Variants in LPAR3 observed in about 807,000 individuals in gnomAD.
LPAR3 encodes LPA receptor 3.
In LPAR3, 7 loss-of-function variants were observed where a neutral mutation model predicts 17.8. The ratio of observed to expected loss-of-function variants is 0.39; its 90% CI spans 0.22 to 0.74. The LOEUF (loss-of-function observed/expected upper bound fraction) is 0.74. Ranked by LOEUF, LPAR3 falls within the 30% of genes least tolerant of loss-of-function variation. The probability of loss-of-function intolerance (pLI) is 0.40; values close to 1 mark genes in which losing one functional copy is unlikely to be tolerated. For synonymous variants in LPAR3, 179 were observed against 179.9 expected (o/e 0.99, Z 0.04); for missense variants, 391 against 453.4 (o/e 0.86, Z 1.25).
Position 84,865,936 on chromosome 1 carries a change from T to C in LPAR3, c.185A>G (p.His62Arg), listed in dbSNP as rs898772850. ...IAAVIKNRKF[H>R]FPFYYLLANL... ...AGCCAACAGGTAGTAGAAGGGGAAA[T>C]GAAATTTTCTGTTTTTGATCACTGC... Residue 62 changes from histidine to arginine, a missense_variant, in exon 2 of 3, where the codon CAT (histidine) becomes CGT (arginine). Physicochemically the swap from His to Arg is conservative, Grantham distance 29 (BLOSUM62 0). Coordinates refer to ENST00000370611, the MANE Select transcript of LPAR3 (RefSeq NM_012152.3). The C allele has an allele frequency of 1.9e-6, 3 of 1,613,956 alleles. No homozygotes were observed. The highest frequency in any genetic ancestry group is 1.1e-5 in the South Asian group (1 of 91,070).
intron 1 of LPAR3, 115 bp from the exon 2 acceptor site, chr1:84,866,253 G>A (rs1660047506): frequency 1.4e-6 from 1 of 739,394 alleles, no homozygotes; most frequent in East Asian, 2.5e-5. Flanking sequence ...TTGAAGACCT[G>A]AAGTGTCAGG....
At chr1:84,856,623 C>T (rs986238114) in intron 2 of LPAR3, among the ~76,000 whole-genome samples, 4 of 151,974 alleles carry the variant, frequency 2.6e-5, no homozygotes, top group African/African-American at 4.8e-5. Flanking sequence ...TACCAAAAGG[C>T]CTGTGTTTTG....
intron 2 of LPAR3, among the ~76,000 whole-genome samples, chr1:84,832,267 G>A (rs1659300597): frequency 6.6e-6 from 1 of 152,132 alleles, no homozygotes; most frequent in Admixed American, 6.5e-5. Context: ...AAATTCTAAT[G>A]TGCATTTTCT....
intron 2 of LPAR3, among the ~76,000 whole-genome samples, chr1:84,862,559 G>A (rs1056025132): frequency 3.9e-5 from 6 of 152,166 alleles, no homozygotes; most frequent in Non-Finnish European, 7.3e-5. Flanking sequence ...AAACACTTAG[G>A]ACAATGCTTG....
intron 2 of LPAR3, among the ~76,000 whole-genome samples, chr1:84,856,810 T>C (rs1045103766): frequency 1.1e-4 from 16 of 152,218 alleles, no homozygotes; most frequent in African/African-American, 3.6e-4. Flanking sequence ...CACAGGACTC[T>C]TGTCAAGCTA....
At position 84,864,305 on chromosome 1, in the gene LPAR3, T is replaced by C. The variant is rs566207501; in HGVS notation, c.736+1080A>G. On this transcript the variant is annotated intron_variant, in intron 2 of 2. Coordinates refer to ENST00000370611, the MANE Select transcript of LPAR3 (RefSeq NM_012152.3). ...TGATCTCTCCCGAGTACTGAAATACTCTATTAACCCATTTATGCCAGGGGT... is the reference window on the plus strand; with the variant it reads ...TGATCTCTCCCGAGTACTGAAATACCCTATTAACCCATTTATGCCAGGGGT... 9.1e-4 allele frequency among the ~76,000 whole-genome samples: 138 copies of C among 152,218 alleles called. 3 individuals are homozygous for C. In the South Asian group the frequency reaches 0.017, roughly 19 times the overall value.
chr1:84,878,574 C>T (rs1411135117), intron 1 of LPAR3, among the ~76,000 whole-genome samples: 2 of 152,112 alleles, frequency 1.3e-5, no homozygotes, highest in African/African-American at 4.8e-5. Context: ...TGCCTTGGAG[C>T]TAAAAGAAGA....
At chr1:84,819,104 A>G (rs557937915) in intron 2 of LPAR3, among the ~76,000 whole-genome samples, 1 of 152,338 alleles carries the variant, frequency 6.6e-6, no homozygotes, top group South Asian at 2.1e-4. Context: ...CCGTCAGCAT[A>G]AGGACCTTGG....
intron 2 of LPAR3, among the ~76,000 whole-genome samples, chr1:84,832,263 T>C (rs1407816533): frequency 6.6e-6 from 1 of 152,192 alleles, no homozygotes; most frequent in Non-Finnish European, 1.5e-5. Flanking sequence ...TATAAAATTC[T>C]AATGTGCATT....
intron 2 of LPAR3, among the ~76,000 whole-genome samples, chr1:84,846,165 T>A (rs142357264): frequency 1.3e-5 from 2 of 152,146 alleles, no homozygotes; most frequent in Non-Finnish European, 2.9e-5. Flanking sequence ...ATAAAATATG[T>A]CAAAAAGACT....
intron 1 of LPAR3, among the ~76,000 whole-genome samples, chr1:84,889,435 TG>T (rs1660515192): frequency 1.3e-5 from 2 of 152,152 alleles, no homozygotes; most frequent in African/African-American, 4.8e-5. Flanking sequence ...CCTCCTGACC[TG>T]TGGGATGGGT....
chr1:84,861,921 T>G (rs1659949162), intron 2 of LPAR3, among the ~76,000 whole-genome samples: 1 of 152,204 alleles, frequency 6.6e-6, no homozygotes, highest in Non-Finnish European at 1.5e-5. Context: ...TCCTTTCTTT[T>G]AACCCCTTCC....
At chr1:84,835,180 A>G (rs577614598) in intron 2 of LPAR3, among the ~76,000 whole-genome samples, 1 of 152,310 alleles carries the variant, frequency 6.6e-6, no homozygotes, top group South Asian at 2.1e-4. Flanking sequence ...TCCTCTTAAA[A>G]TGTGATGGCC....
At chr1:84,842,424 T>C (rs962052654) in intron 2 of LPAR3, among the ~76,000 whole-genome samples, 4 of 152,212 alleles carry the variant, frequency 2.6e-5, no homozygotes, top group South Asian at 2.1e-4. Flanking sequence ...CTATAACGTA[T>C]GGTTATGCAA....
At chr1:84,862,197 T>A (rs770101517) in intron 2 of LPAR3, among the ~76,000 whole-genome samples, 3 of 152,216 alleles carry the variant, frequency 2.0e-5, no homozygotes, top group Non-Finnish European at 2.9e-5. Context: ...ATACCAAAGT[T>A]CATTCTTTAT....
chr1:84,860,696 T>C (rs1570890204), intron 2 of LPAR3, among the ~76,000 whole-genome samples: 1 of 152,046 alleles, frequency 6.6e-6, no homozygotes, highest in Middle Eastern at 3.4e-3. Flanking sequence ...CTTTCTAATA[T>C]GTAAAAGAAG....
Position 84,865,520 on chromosome 1 carries a change from T to C in LPAR3, c.601A>G (p.Ile201Val). The change falls in exon 2 of 3, where the codon ATC becomes GTC. Residue 201 changes from isoleucine to valine, a missense_variant. By Grantham distance (29) the Ile-to-Val change is conservative (BLOSUM62 3). Transcript: ENST00000370611. The stretch of plus-strand genomic sequence containing the variant: ...ATCCGCAGGTACACCACAACCATGA[T>C]GAGGAAGGCCATGAGGTTGGACACT... Reference protein sequence around the residue: ...WTVSNLMAFLIMVVVYLRIYV... With the variant: ...WTVSNLMAFLVMVVVYLRIYV... The C allele has an allele frequency of 1.2e-6, 2 of 1,614,170 alleles. No individual in the cohort carries two copies. Among genetic ancestry groups the C allele is most frequent in the Non-Finnish European group, 1.7e-6 (2 of 1,180,040 alleles).
intron 1 of LPAR3, among the ~76,000 whole-genome samples, chr1:84,867,064 T>C (rs749291608): frequency 2.6e-5 from 4 of 152,180 alleles, no homozygotes; most frequent in Non-Finnish European, 5.9e-5. Flanking sequence ...GACACTTGTC[T>C]GAAAGAAGAC....
intron 1 of LPAR3, among the ~76,000 whole-genome samples, chr1:84,876,863 G>A (rs934869393): frequency 2.6e-5 from 4 of 152,252 alleles, no homozygotes; most frequent in Admixed American, 1.3e-4. Context: ...ACATTCCCAA[G>A]GGCATGGACC....
Sources: gnomAD v4.1 joint callset for allele counts (sites outside exome capture counted in the v4.1 genomes callset) on GRCh38, gnomAD v4.1.1 for gene constraint, MANE v1.5 for transcripts, NCBI Gene and HGNC (gene_info 2026-07-23, HGNC 2026-07-21) for gene names.